TAFA1: variants seen among roughly 807,000 people sequenced by gnomAD.
TAFA1 encodes the protein chemokine-like protein TAFA-1.
A neutral mutation model predicts 18.5 loss-of-function variants in TAFA1; 4 were observed. The observed-to-expected ratio is 0.22, with a 90% CI of 0.11 to 0.49. The LOEUF is 0.49. Ranked by LOEUF, TAFA1 falls within the 20% of genes least tolerant of loss-of-function variation. TAFA1 has a pLI of 0.98. For missense variants in TAFA1, 147 were observed against 169.0 expected, an observed-to-expected ratio of 0.87 and a Z score of 0.72; for synonymous variants, 56 against 55.2, an observed-to-expected ratio of 1.01 and a Z score of -0.06.
At chr3:68,509,201 T>G (rs1302173571) in intron 3 of TAFA1, among the ~76,000 whole-genome samples, 3 of 152,110 alleles carry the variant, frequency 2.0e-5, no homozygotes, top group Non-Finnish European at 4.4e-5. Flanking sequence ...CAAAATTGCC[T>G]GGGGAAATTC....
chr3:68,381,817 A>G (rs2069964878), intron 2 of TAFA1, among the ~76,000 whole-genome samples: 1 of 152,122 alleles, frequency 6.6e-6, no homozygotes, highest in Admixed American at 6.6e-5. Context: ...GTTGAATAGG[A>G]GTGATGAGAG....
At chr3:68,007,820 T>G (rs1407845184) in intron 2 of TAFA1, among the ~76,000 whole-genome samples, 1 of 152,150 alleles carries the variant, frequency 6.6e-6, no homozygotes, top group African/African-American at 2.4e-5. Context: ...GGCTCCTCAG[T>G]CGGCCTGGAC....
intron 2 of TAFA1, among the ~76,000 whole-genome samples, chr3:68,020,378 C>A (rs909345681): frequency 2.0e-5 from 3 of 151,766 alleles, no homozygotes; most frequent in African/African-American, 7.2e-5. Context: ...CAGGCGTGGG[C>A]AAGTCAGTGT....
At chr3:68,429,535 A>G (rs1436032462) in intron 3 of TAFA1, among the ~76,000 whole-genome samples, 1 of 151,796 alleles carries the variant, frequency 6.6e-6, no homozygotes, top group Non-Finnish European at 1.5e-5. Flanking sequence ...GTACCAGTTC[A>G]CTTCTTATAT....
chr3:68,337,702 C>T (rs1358186283), intron 2 of TAFA1, among the ~76,000 whole-genome samples: 1 of 151,702 alleles, frequency 6.6e-6, no homozygotes. Context: ...GAAGATCTAC[C>T]CTCTTAAATG....
intron 2 of TAFA1, among the ~76,000 whole-genome samples, chr3:68,082,067 C>G (rs542359579): frequency 3.7e-4 from 56 of 152,304 alleles, no homozygotes; most frequent in African/African-American, 1.3e-3. Context: ...GTGGGAGTGA[C>G]CCAATTTTCC....
chr3:68,032,454 C>T (rs1385312920), intron 2 of TAFA1, among the ~76,000 whole-genome samples: 2 of 152,146 alleles, frequency 1.3e-5, no homozygotes, highest in Admixed American at 6.6e-5. Flanking sequence ...AGAAACACCA[C>T]TGTGATGGCA....
At chr3:68,150,732 T>A (rs1271613926) in intron 2 of TAFA1, among the ~76,000 whole-genome samples, 1 of 152,144 alleles carries the variant, frequency 6.6e-6, no homozygotes, top group East Asian at 1.9e-4. Flanking sequence ...TATTTTTGAT[T>A]GCTTCCTCTC....
intron 3 of TAFA1, among the ~76,000 whole-genome samples, chr3:68,441,780 G>A (rs1230329428): frequency 6.6e-6 from 1 of 152,144 alleles, no homozygotes; most frequent in Non-Finnish European, 1.5e-5. Context: ...AGGAAGAGAA[G>A]ACTAGGGCCT....
At chr3:68,245,002 C>A (rs1404085423) in intron 2 of TAFA1, among the ~76,000 whole-genome samples, 1 of 152,148 alleles carries the variant, frequency 6.6e-6, no homozygotes, top group Non-Finnish European at 1.5e-5. Context: ...CCAAAGGAAG[C>A]TCAGAATTAA....
chr3:68,076,207 T>C (rs1372128416), intron 2 of TAFA1, among the ~76,000 whole-genome samples: 1 of 152,034 alleles, frequency 6.6e-6, no homozygotes, highest in East Asian at 1.9e-4. Flanking sequence ...GATGAGAGTC[T>C]GATAAAAGAG....
At chr3:68,290,101 C>T (rs1156802724) in intron 2 of TAFA1, among the ~76,000 whole-genome samples, 2 of 152,182 alleles carry the variant, frequency 1.3e-5, no homozygotes, top group African/African-American at 4.8e-5. Context: ...AATAATTTGG[C>T]ATATTTGATG....
chr3:68,087,937 G>T (rs1026785050), intron 2 of TAFA1, among the ~76,000 whole-genome samples: 6 of 151,692 alleles, frequency 4.0e-5, no homozygotes, highest in Non-Finnish European at 7.4e-5. Flanking sequence ...AACATTTATT[G>T]AGCTGATACT....
At chr3:68,394,538 A>T (rs2070335077) in intron 2 of TAFA1, among the ~76,000 whole-genome samples, 1 of 152,180 alleles carries the variant, frequency 6.6e-6, no homozygotes, top group Admixed American at 6.6e-5. Context: ...GCATCATGCT[A>T]CCTGACTTCA....
At chr3:68,437,085 A>T (rs1043389684) in intron 3 of TAFA1, among the ~76,000 whole-genome samples, 1 of 152,208 alleles carries the variant, frequency 6.6e-6, no homozygotes, top group Non-Finnish European at 1.5e-5. Context: ...TGAGGATGAG[A>T]TGTTTAAAAG....
At chr3:68,246,568 C>CGACA (rs2067082447) in intron 2 of TAFA1, among the ~76,000 whole-genome samples, 1 of 115,076 alleles carries the variant, frequency 8.7e-6, no homozygotes, top group Non-Finnish European at 1.6e-5. Context: ...CCAGCCTGGG[C>CGACA]GACAGAGCGG....
At chr3:67,998,453 G>A in the TAFA1 span, among the ~76,000 whole-genome samples, 1 of 152,092 alleles carries the variant, frequency 6.6e-6, no homozygotes, top group South Asian at 2.1e-4. Context: ...CTGAGTTAGG[G>A]ATGTGGCATG....
intron 2 of TAFA1, among the ~76,000 whole-genome samples, chr3:68,074,374 C>G (rs1166397218): frequency 6.6e-6 from 1 of 152,060 alleles, no homozygotes; most frequent in Non-Finnish European, 1.5e-5. Flanking sequence ...GAACCCCTGC[C>G]TTAGAGGCTG....
At chr3:68,451,784 C>A (rs4855480) in intron 3 of TAFA1, among the ~76,000 whole-genome samples, 4 of 151,960 alleles carry the variant, frequency 2.6e-5, no homozygotes, top group African/African-American at 9.7e-5. Context: ...AAGAGTTGTG[C>A]GGGCTGGAGG....
Sources: gnomAD v4.1 joint callset for allele counts (sites outside exome capture counted in the v4.1 genomes callset) on GRCh38, gnomAD v4.1.1 for gene constraint, MANE v1.5 for transcripts, NCBI Gene and HGNC (gene_info 2026-07-23, HGNC 2026-07-21) for gene names.